The following PARD3 variants were observed in gnomAD, a reference collection of about 807,000 sequenced individuals.
PARD3 encodes the protein partitioning defective 3 homolog.
A neutral mutation model predicts 155.4 loss-of-function variants in PARD3; 75 were observed. The observed-to-expected ratio is 0.48, with a 90% confidence interval of 0.40 to 0.58. The LOEUF (loss-of-function observed/expected upper bound fraction) is 0.58, where lower values mean the gene tolerates loss of function less well. Ranked by LOEUF, PARD3 falls within the 20% of genes least tolerant of loss-of-function variation. The pLI, the probability that PARD3 is intolerant of heterozygous loss-of-function variation, is 0.00. For missense variants in PARD3, 1,642 were observed against 1,721.7 expected, an observed-to-expected ratio of 0.95 and a Z score of 0.82; for synonymous variants, 576 against 610.5, an observed-to-expected ratio of 0.94 and a Z score of 0.83.
chr10:34,705,925 C>T (rs2094356006), intron 1 of PARD3, among the ~76,000 whole-genome samples: 1 of 152,168 alleles, frequency 6.6e-6, no homozygotes, highest in Admixed American at 6.5e-5. Flanking sequence ...TTAGAACTAG[C>T]ACATAATCTC....
At chr10:34,636,931 A>T (rs961312180) in intron 2 of PARD3, among the ~76,000 whole-genome samples, 1 of 152,232 alleles carries the variant, frequency 6.6e-6, no homozygotes, top group African/African-American at 2.4e-5. Context: ...ATGCCTACCG[A>T]GTCTTATCCA....
At chr10:34,436,049 A>G (rs2076170858) in intron 5 of PARD3, among the ~76,000 whole-genome samples, 1 of 152,246 alleles carries the variant, frequency 6.6e-6, no homozygotes, top group African/African-American at 2.4e-5. Flanking sequence ...AGTTGAAAAT[A>G]TAAAAATATG....
chr10:34,616,893 C>T (rs993286322), intron 2 of PARD3, among the ~76,000 whole-genome samples: 9 of 149,708 alleles, frequency 6.0e-5, no homozygotes, highest in South Asian at 2.1e-4. Flanking sequence ...CAAGATCACA[C>T]CACTGCACTC....
chr10:34,626,544 C>G (rs2091988320), intron 2 of PARD3, among the ~76,000 whole-genome samples: 1 of 152,186 alleles, frequency 6.6e-6, no homozygotes. Context: ...TAACTCATAA[C>G]TCTACATTTT....
intron 5 of PARD3, among the ~76,000 whole-genome samples, chr10:34,408,960 T>C (rs1382496811): frequency 6.6e-6 from 1 of 152,170 alleles, no homozygotes; most frequent in African/African-American, 2.4e-5. Context: ...TAATATAAAC[T>C]ATGCTCTACT....
chr10:34,153,470 T>C (rs756107853), intron 22 of PARD3, among the ~76,000 whole-genome samples: 1 of 152,216 alleles, frequency 6.6e-6, no homozygotes, highest in Admixed American at 6.5e-5. Flanking sequence ...TTATTTCACA[T>C]GGGACCAGAC....
At chr10:34,564,516 T>C (rs2085767308) in intron 2 of PARD3, among the ~76,000 whole-genome samples, 2 of 152,150 alleles carry the variant, frequency 1.3e-5, no homozygotes, top group African/African-American at 4.8e-5. Flanking sequence ...GTTTTGAGGG[T>C]AGGTTTCCAG....
At chr10:34,597,425 TTTAC>T (rs2089383326) in intron 2 of PARD3, among the ~76,000 whole-genome samples, 1 of 151,616 alleles carries the variant, frequency 6.6e-6, no homozygotes, top group African/African-American at 2.4e-5. Flanking sequence ...TTTTTATTTA[TTTAC>T]TATTATTATT....
intron 20 of PARD3, among the ~76,000 whole-genome samples, chr10:34,290,021 A>G (rs1370195914): frequency 2.0e-5 from 3 of 152,210 alleles, no homozygotes; most frequent in Non-Finnish European, 4.4e-5. Flanking sequence ...TAAAACCATC[A>G]TTTGGGTTTT....
chr10:34,609,912 T>C (rs1444307732), intron 2 of PARD3, among the ~76,000 whole-genome samples: 5 of 152,170 alleles, frequency 3.3e-5, no homozygotes, highest in East Asian at 1.9e-4. Flanking sequence ...AGAAAAATCA[T>C]TTGACATTAC....
intron 22 of PARD3, among the ~76,000 whole-genome samples, chr10:34,176,055 C>CT (rs748395683): frequency 2.6e-5 from 4 of 152,086 alleles, no homozygotes; most frequent in Non-Finnish European, 4.4e-5. Flanking sequence ...TTCTCTAAAA[C>CT]TTTATTTCAT....
intron 12 of PARD3, among the ~76,000 whole-genome samples, chr10:34,371,486 C>CAAAAAAAAAAAAAAAAAAA (rs968034029): frequency 4.4e-5 from 1 of 22,750 alleles, no homozygotes. Context: ...ATTCTAGACT[C>CAAAAAAAAAAAAAAAAAAA]AAAAAAAAAA....
chr10:34,194,277 C>T (rs576859932), intron 22 of PARD3, among the ~76,000 whole-genome samples: 2 of 152,124 alleles, frequency 1.3e-5, no homozygotes, highest in Non-Finnish European at 2.9e-5. Context: ...CCTTGAGAAA[C>T]AGTTGAAAAG....
intron 1 of PARD3, among the ~76,000 whole-genome samples, chr10:34,703,837 A>C (rs2094321870): frequency 6.6e-6 from 1 of 152,198 alleles, no homozygotes; most frequent in Non-Finnish European, 1.5e-5. Context: ...AAACTCCTAC[A>C]AGAAATAGTC....
At chr10:34,511,599 C>G (rs1011076346) in intron 3 of PARD3, among the ~76,000 whole-genome samples, 1 of 152,132 alleles carries the variant, frequency 6.6e-6, no homozygotes, top group Non-Finnish European at 1.5e-5. Flanking sequence ...TTATACTAAG[C>G]TATTTTTATG....
At chr10:34,666,777 T>TAAAAAAAAAAAAAA (rs771593408) in intron 2 of PARD3, among the ~76,000 whole-genome samples, 4 of 17,060 alleles carry the variant, frequency 2.3e-4, no homozygotes, top group Non-Finnish European at 2.6e-4. Flanking sequence ...CCCCTCCCCC[T>TAAAAAAAAAAAAAA]AAAAAAAAAA....
intron 22 of PARD3, among the ~76,000 whole-genome samples, chr10:34,150,432 C>T (rs187834609): frequency 3.3e-4 from 50 of 152,224 alleles, no homozygotes; most frequent in Non-Finnish European, 6.2e-4. Flanking sequence ...TATGATAAAC[C>T]CAACCAACAA....
chr10:34,295,532 T>A (rs1956868240), intron 20 of PARD3, among the ~76,000 whole-genome samples: 1 of 152,192 alleles, frequency 6.6e-6, no homozygotes, highest in Non-Finnish European at 1.5e-5. Context: ...AAGCAGATCC[T>A]GTTTATCCAA....
In PARD3 at chr10:34,450,316, C is replaced by T; in HGVS notation, c.714+1G>A. On this transcript the variant is annotated splice_donor_variant, in intron 5 of 24. Transcript: ENST00000374788. LOFTEE classifies it high-confidence loss of function. ...GCACATATAAGGATTTGTCATGTTA[C>T]CTGTTCTTGTTTCTCCAGCCACTTG... is the stretch of plus-strand genomic sequence containing the variant. The T allele has an allele frequency of 6.2e-7, 1 of 1,612,654 alleles. No individual in the cohort carries two copies. The highest frequency in any genetic ancestry group is 8.5e-7 in the Non-Finnish European group (1 of 1,179,512).
Sources: allele counts gnomAD v4.1 joint callset (sites outside exome capture counted in the v4.1 genomes callset), GRCh38; gene constraint gnomAD v4.1.1; transcripts MANE v1.5; gene names NCBI Gene and HGNC (gene_info 2026-07-23, HGNC 2026-07-21).